The following SHISA9 variants were observed in gnomAD, a reference collection of about 807,000 sequenced individuals.
The protein encoded by SHISA9 is protein shisa-9.
A neutral mutation model predicts 38.0 loss-of-function variants in SHISA9; 13 were observed. That is an observed-to-expected ratio of 0.34 (90% confidence interval 0.22 to 0.54). The LOEUF (loss-of-function observed/expected upper bound fraction) is 0.54, where lower values mean the gene tolerates loss of function less well. SHISA9 is among the 20% of genes least tolerant of loss of function. The pLI is 0.91. For missense variants in SHISA9, 538 were observed against 575.8 expected (o/e 0.93, Z 0.67); for synonymous variants, 275 against 242.0 (o/e 1.14, Z -1.27).
chr16:13,281,910 T>A, the SHISA9 span, among the ~76,000 whole-genome samples: 1 of 151,854 alleles, frequency 6.6e-6, no homozygotes, highest in Non-Finnish European at 1.5e-5. Flanking sequence ...CTTATGATGC[T>A]TTATATACTT....
chr16:13,224,724 A>G (rs1476829231), intron 4 of SHISA9, among the ~76,000 whole-genome samples: 1 of 152,212 alleles, frequency 6.6e-6, no homozygotes. Context: ...CTATGAACAT[A>G]TTAAAATAGG....
At chr16:13,367,832 C>A in the SHISA9 span, among the ~76,000 whole-genome samples, 2 of 151,880 alleles carry the variant, frequency 1.3e-5, no homozygotes, top group African/African-American at 4.8e-5. Context: ...AGGTCATTAG[C>A]CTCCTAGCTC....
intron 2 of SHISA9, among the ~76,000 whole-genome samples, chr16:13,076,687 CT>C (rs1247819347): frequency 2.0e-5 from 3 of 152,208 alleles, no homozygotes; most frequent in Admixed American, 6.5e-5. Context: ...ATGCTGGAAG[CT>C]GGGTGAGCTT....
chr16:13,221,359 G>T (rs1047294894), intron 4 of SHISA9, among the ~76,000 whole-genome samples: 14 of 148,434 alleles, frequency 9.4e-5, no homozygotes, highest in African/African-American at 3.5e-4. Context: ...TGCCTTTCTT[G>T]TTTCTGTCTG....
the SHISA9 span, among the ~76,000 whole-genome samples, chr16:13,253,757 C>T: frequency 1.3e-5 from 2 of 152,116 alleles, no homozygotes; most frequent in East Asian, 3.9e-4. Context: ...CAAACCATAT[C>T]AGAAATATAT....
chr16:13,510,285 G>A, the SHISA9 span, among the ~76,000 whole-genome samples: 1 of 152,196 alleles, frequency 6.6e-6, no homozygotes, highest in Admixed American at 6.6e-5. Context: ...ACCAGCCTGG[G>A]CGATAAGAGT....
intron 2 of SHISA9, among the ~76,000 whole-genome samples, chr16:13,124,517 A>G (rs2050240167): frequency 6.6e-6 from 1 of 152,152 alleles, no homozygotes; most frequent in African/African-American, 2.4e-5. Flanking sequence ...TCAGACAGGG[A>G]TGGGCACACC....
chr16:13,092,607 T>C (rs955340705), intron 2 of SHISA9, among the ~76,000 whole-genome samples: 6 of 152,244 alleles, frequency 3.9e-5, no homozygotes, highest in Non-Finnish European at 8.8e-5. Flanking sequence ...CAAGGCTCCA[T>C]GGGCATGGGA....
intron 2 of SHISA9, among the ~76,000 whole-genome samples, chr16:12,923,916 C>A (rs940497562): frequency 6.6e-6 from 1 of 152,120 alleles, no homozygotes; most frequent in African/African-American, 2.4e-5. Flanking sequence ...AAACCCAGGT[C>A]TGTCCGACTC....
the SHISA9 span, among the ~76,000 whole-genome samples, chr16:13,300,887 C>A: frequency 1.3e-5 from 2 of 149,088 alleles, no homozygotes; most frequent in Non-Finnish European, 3.0e-5. Flanking sequence ...TCTCCCCTTT[C>A]TTTGTCTCTC....
intron 2 of SHISA9, among the ~76,000 whole-genome samples, chr16:12,982,396 G>T (rs926406254): frequency 1.3e-5 from 2 of 152,182 alleles, no homozygotes; most frequent in East Asian, 3.8e-4. Flanking sequence ...AGGTTCTGTT[G>T]GACAGCACTA....
chr16:13,406,327 A>G, the SHISA9 span, among the ~76,000 whole-genome samples: 2 of 152,172 alleles, frequency 1.3e-5, no homozygotes, highest in East Asian at 1.9e-4. Context: ...ATCAGTGCCA[A>G]TGTTACTCTT....
chr16:13,123,619 C>A (rs911905386), intron 2 of SHISA9, among the ~76,000 whole-genome samples: 4 of 152,170 alleles, frequency 2.6e-5, no homozygotes, highest in Admixed American at 1.3e-4. Flanking sequence ...ACACAGCTGG[C>A]AGTTTCTGAG....
the SHISA9 span, among the ~76,000 whole-genome samples, chr16:13,249,389 T>C: frequency 6.6e-6 from 1 of 152,232 alleles, no homozygotes; most frequent in South Asian, 2.1e-4. Flanking sequence ...TAGATTTTCT[T>C]ACGTTTAAAA....
At chr16:13,213,387 G>T in intron 4 of SHISA9, 87 bp downstream of exon 4, 3 of 1,259,584 alleles carry the variant, frequency 2.4e-6, no homozygotes, top group Non-Finnish European at 1.1e-6. Context: ...CCTGGTGTCT[G>T]TGTGACCTGT....
At chr16:13,534,934 G>A in the SHISA9 span, among the ~76,000 whole-genome samples, 4 of 151,750 alleles carry the variant, frequency 2.6e-5, no homozygotes, top group East Asian at 3.9e-4. Flanking sequence ...AACATTGCTC[G>A]CCAACCTTTC....
At chr16:13,073,024 T>C (rs2073536763) in intron 2 of SHISA9, among the ~76,000 whole-genome samples, 1 of 152,124 alleles carries the variant, frequency 6.6e-6, no homozygotes. Flanking sequence ...CTCCTGAGCT[T>C]GAGTGATCCT....
At chr16:13,434,419 G>GTTTTTTTTTTTTTTTTTTTTTTTTTT in the SHISA9 span, among the ~76,000 whole-genome samples, 57 of 64,542 alleles carry the variant, frequency 8.8e-4, 7 homozygotes, top group East Asian at 4.9e-3. Flanking sequence ...GACAAGCTAT[G>GTTTTTTTTTTTTTTTTTTTTTTTTTT]TTTTTTTTTT....
the SHISA9 span, among the ~76,000 whole-genome samples, chr16:13,386,356 A>G: frequency 4.6e-5 from 7 of 152,272 alleles, no homozygotes; most frequent in African/African-American, 1.7e-4. Context: ...TCACCCTGGA[A>G]GTGTCCACTT....
Sources: allele counts gnomAD v4.1 joint callset (sites outside exome capture counted in the v4.1 genomes callset), GRCh38; gene constraint gnomAD v4.1.1; transcripts MANE v1.5; gene names NCBI Gene and HGNC (gene_info 2026-07-23, HGNC 2026-07-21).